GSK3B: variants seen among roughly 807,000 people sequenced by gnomAD.
GSK3B encodes glycogen synthase kinase 3 beta, also known as glycogen synthase kinase-3 beta.
A neutral mutation model predicts 56.4 loss-of-function variants in GSK3B; 15 were observed. The observed-to-expected ratio is 0.27, with a 90% CI of 0.18 to 0.41. The LOEUF (loss-of-function observed/expected upper bound fraction) is 0.41, where lower values mean the gene tolerates loss of function less well. GSK3B is among the 10% of genes least tolerant of loss of function. The pLI, the probability that GSK3B is intolerant of heterozygous loss-of-function variation, is 1.00. For synonymous variants in GSK3B, 181 were observed against 188.9 expected, an observed-to-expected ratio of 0.96 and a Z score of 0.34; for missense variants, 300 against 513.4, an observed-to-expected ratio of 0.58 and a Z score of 4.02.
chr3:119,929,198 T>C (rs2056919541), intron 3 of GSK3B, among the ~76,000 whole-genome samples: 3 of 152,186 alleles, frequency 2.0e-5, no homozygotes, highest in African/African-American at 7.2e-5. Flanking sequence ...AAATGAGGTC[T>C]AATAAAGAGA....
chr3:119,964,630 C>T (rs778676450), intron 2 of GSK3B, among the ~76,000 whole-genome samples: 5 of 152,098 alleles, frequency 3.3e-5, no homozygotes, highest in South Asian at 4.1e-4. Flanking sequence ...TGTTGTTCAA[C>T]GGTATAAAGT....
chr3:119,944,745 A>T (rs2057083869), intron 3 of GSK3B, among the ~76,000 whole-genome samples: 1 of 152,156 alleles, frequency 6.6e-6, no homozygotes, highest in Non-Finnish European at 1.5e-5. Flanking sequence ...ATGTGTCATA[A>T]GCATCTCAAA....
intron 10 of GSK3B, among the ~76,000 whole-genome samples, chr3:119,834,409 T>C (rs2055655982): frequency 6.6e-6 from 1 of 152,186 alleles, no homozygotes; most frequent in African/African-American, 2.4e-5. Context: ...AACACTAAGG[T>C]AGCCTTCAGT....
intron 5 of GSK3B, among the ~76,000 whole-genome samples, chr3:119,913,307 A>G (rs1326884413): frequency 6.6e-6 from 1 of 152,164 alleles, no homozygotes; most frequent in Non-Finnish European, 1.5e-5. Context: ...CTATTTTTCC[A>G]TATCTTGGTC....
intron 1 of GSK3B, among the ~76,000 whole-genome samples, chr3:120,078,501 A>C (rs542024085): frequency 2.3e-4 from 34 of 151,104 alleles, no homozygotes; most frequent in Non-Finnish European, 3.5e-4. Context: ...TCCTTCTCCA[A>C]TGTAGAGCAG....
intron 9 of GSK3B, among the ~76,000 whole-genome samples, chr3:119,844,536 A>G (rs887146032): frequency 8.5e-5 from 13 of 152,246 alleles, no homozygotes; most frequent in Admixed American, 3.3e-4. Context: ...CTACCATCAG[A>G]GAATACTATA....
chr3:120,017,441 G>C (rs1442587005), intron 1 of GSK3B, among the ~76,000 whole-genome samples: 2 of 151,978 alleles, frequency 1.3e-5, no homozygotes, highest in Admixed American at 1.3e-4. Flanking sequence ...ACATCCCTTT[G>C]GTCCTCAATA....
intron 9 of GSK3B, among the ~76,000 whole-genome samples, chr3:119,862,443 G>A: frequency 7.6e-6 from 1 of 131,270 alleles, no homozygotes; most frequent in African/African-American, 2.8e-5. Flanking sequence ...ATTAGTGGGT[G>A]CAGCACACCA....
At chr3:119,929,674 G>A (rs1262070519) in intron 3 of GSK3B, among the ~76,000 whole-genome samples, 1 of 151,838 alleles carries the variant, frequency 6.6e-6, no homozygotes, top group Non-Finnish European at 1.5e-5. Flanking sequence ...AGGCCGAGGT[G>A]GGCGGATCAC....
At chr3:119,953,997 A>G (rs892637879) in intron 2 of GSK3B, among the ~76,000 whole-genome samples, 1 of 152,120 alleles carries the variant, frequency 6.6e-6, no homozygotes, top group African/African-American at 2.4e-5. Context: ...TATAGTCACT[A>G]TACAGACACA....
intron 2 of GSK3B, among the ~76,000 whole-genome samples, chr3:119,995,252 A>G (rs1159630012): frequency 6.6e-6 from 1 of 151,872 alleles, no homozygotes; most frequent in Admixed American, 6.6e-5. Context: ...GAGAATCGCT[A>G]AAGCCTAGGA....
chr3:119,912,825 A>G lies in GSK3B; in HGVS notation c.609-15T>C, dbSNP rs764017974. 7.4e-7 allele frequency: 1 copy of G among 1,344,950 alleles called. No individual in the cohort carries two copies. The highest frequency in any genetic ancestry group is 1.3e-5 in the South Asian group (1 of 79,554). The allele number at this position is 1,344,950 out of a possible 1,614,324, so 83.3% of individuals were successfully genotyped here. A position where few individuals can be genotyped will look rare whatever the true frequency, so the allele number is the denominator to read the frequency against. On this transcript the variant is annotated splice_polypyrimidine_tract_variant and intron_variant, in intron 5 of 10. Coordinates refer to ENST00000264235, the MANE Select transcript of GSK3B (RefSeq NM_001146156.2). ...GCTGCTTTGCACTAACAGAAAAAAA[A>G]TAAAAATAAAAAGCAGAAATTCTTT...
At chr3:120,061,989 C>T in intron 1 of GSK3B, among the ~76,000 whole-genome samples, 1 of 152,130 alleles carries the variant, frequency 6.6e-6, no homozygotes, top group Non-Finnish European at 1.5e-5. Context: ...GCCTTGGCCT[C>T]CCAAAGTGTT....
intron 7 of GSK3B, among the ~76,000 whole-genome samples, chr3:119,890,247 T>C (rs745732441): frequency 2.6e-5 from 4 of 151,990 alleles, no homozygotes; most frequent in African/African-American, 4.8e-5. Flanking sequence ...TGTCCATTCA[T>C]AGGTGAATGG....
chr3:120,047,841 T>C (rs2058116173), intron 1 of GSK3B, among the ~76,000 whole-genome samples: 2 of 152,212 alleles, frequency 1.3e-5, no homozygotes, highest in Admixed American at 1.3e-4. Context: ...GGAATAATGA[T>C]GAAGATGTTC....
At chr3:120,059,831 G>T (rs534069448) in intron 1 of GSK3B, among the ~76,000 whole-genome samples, 1 of 152,214 alleles carries the variant, frequency 6.6e-6, no homozygotes, top group Admixed American at 6.5e-5. Context: ...TCTATTACTG[G>T]AGCTACAATG....
At chr3:119,847,972 A>G (rs1577313153) in intron 9 of GSK3B, among the ~76,000 whole-genome samples, 2 of 152,366 alleles carry the variant, frequency 1.3e-5, no homozygotes, top group South Asian at 2.1e-4. Context: ...AAAGGATTTG[A>G]GAAACATCTG....
At chr3:119,873,165 T>C (rs946405677) in intron 8 of GSK3B, among the ~76,000 whole-genome samples, 2 of 152,178 alleles carry the variant, frequency 1.3e-5, no homozygotes, top group African/African-American at 4.8e-5. Flanking sequence ...ATTTATGTAA[T>C]AGCCCAGGGC....
intron 1 of GSK3B, among the ~76,000 whole-genome samples, chr3:120,040,381 G>A (rs2058055996): frequency 6.6e-6 from 1 of 152,220 alleles, no homozygotes; most frequent in Non-Finnish European, 1.5e-5. Context: ...TCCCGCGAGG[G>A]AAGTGGCCAG....
Sources: allele counts gnomAD v4.1 joint callset (sites outside exome capture counted in the v4.1 genomes callset), GRCh38; gene constraint gnomAD v4.1.1; transcripts MANE v1.5; gene names NCBI Gene and HGNC (gene_info 2026-07-23, HGNC 2026-07-21).